Variants in ARSB observed in about 807,000 individuals in gnomAD.
ARSB encodes N-acetylgalactosamine-4-sulfatase.
In ARSB, 41 loss-of-function variants were observed where a neutral mutation model predicts 50.9. The observed-to-expected ratio is 0.81, with a 90% CI of 0.63 to 1.04. ARSB has a LOEUF of 1.04. Among genes scored for constraint, ARSB ranks in the 50% least tolerant of loss-of-function variants. The probability of loss-of-function intolerance (pLI) is 0.00; values close to 1 mark genes in which losing one functional copy is unlikely to be tolerated. For synonymous variants in ARSB, 269 were observed against 284.8 expected, an observed-to-expected ratio of 0.94 and a Z score of 0.56; for missense variants, 672 against 693.3, an observed-to-expected ratio of 0.97 and a Z score of 0.35.
chr5:78,869,310 G>T (rs1746987847), intron 5 of ARSB, among the ~76,000 whole-genome samples: 1 of 134,456 alleles, frequency 7.4e-6, no homozygotes, highest in Admixed American at 7.8e-5. Context: ...GCACCAAGCG[G>T]ACCTAATAGA....
At chr5:78,853,768 T>C (rs577956135) in intron 5 of ARSB, among the ~76,000 whole-genome samples, 14 of 152,334 alleles carry the variant, frequency 9.2e-5, no homozygotes, top group Admixed American at 3.9e-4. Flanking sequence ...CAATGGTGGG[T>C]GCCCCTCCCC....
At chr5:78,886,869 G>A (rs1217914351) in intron 4 of ARSB, among the ~76,000 whole-genome samples, 1 of 152,154 alleles carries the variant, frequency 6.6e-6, no homozygotes, top group African/African-American at 2.4e-5. Context: ...TAAGAAATCA[G>A]AGATCTATCA....
chr5:78,848,103 A>G (rs1364996721), intron 5 of ARSB, among the ~76,000 whole-genome samples: 1 of 151,084 alleles, frequency 6.6e-6, no homozygotes, highest in Non-Finnish European at 1.5e-5. Flanking sequence ...GTTTTAGGGT[A>G]CATGTGCACA....
chr5:78,877,697 A>C (rs1747552538), intron 5 of ARSB, among the ~76,000 whole-genome samples: 1 of 152,134 alleles, frequency 6.6e-6, no homozygotes, highest in Non-Finnish European at 1.5e-5. Flanking sequence ...CCTAGCTAGA[A>C]GCTTTACAAG....
intron 6 of ARSB, among the ~76,000 whole-genome samples, chr5:78,798,004 A>T (rs1743241609): frequency 6.6e-6 from 1 of 152,162 alleles, no homozygotes; most frequent in Non-Finnish European, 1.5e-5. Context: ...GAAAATGGTT[A>T]ATGTCAAAGA....
At chr5:78,900,413 A>C (rs921696336) in intron 4 of ARSB, among the ~76,000 whole-genome samples, 1 of 152,184 alleles carries the variant, frequency 6.6e-6, no homozygotes, top group African/African-American at 2.4e-5. Flanking sequence ...CAAGAAGGTG[A>C]GGAAGCTGGT....
intron 4 of ARSB, among the ~76,000 whole-genome samples, chr5:78,890,788 A>G (rs1440629268): frequency 6.6e-6 from 1 of 152,194 alleles, no homozygotes; most frequent in African/African-American, 2.4e-5. Context: ...ACGTAGAACT[A>G]ACTTCTCCCT....
chr5:78,985,060 G>A lies in ARSB; in HGVS notation c.189C>T (p.His63=), dbSNP rs1193937972. 1.3e-6 allele frequency: 2 copies of A among 1,541,110 alleles called. No homozygotes were observed. The highest frequency in any genetic ancestry group is 1.9e-5 in the Admixed American group (1 of 51,614). ...DDLGWNDVGF[H]GSRIRTPHLD... is the part of the protein sequence containing the mutation. ...GGTGCGGCGTGCGGATGCGGGAGCC[G>A]TGGAAGCCGACGTCGTTCCAGCCTA... The change falls in exon 1 of 8, where the codon CAC becomes CAT. Residue 63 remains histidine (H), a synonymous_variant. Coordinates refer to ENST00000264914, the MANE Select transcript of ARSB (RefSeq NM_000046.5).
chr5:78,841,181 T>TAATAATAATAATAATAATA (rs1745201007), intron 5 of ARSB, among the ~76,000 whole-genome samples: 1 of 151,168 alleles, frequency 6.6e-6, no homozygotes, highest in Non-Finnish European at 1.5e-5. Flanking sequence ...ATAATAATAA[T>TAATAATAATAATAATAATA]AATTTGAGCA....
chr5:78,894,408 T>C (rs1270104255), intron 4 of ARSB, among the ~76,000 whole-genome samples: 1 of 152,206 alleles, frequency 6.6e-6, no homozygotes, highest in Non-Finnish European at 1.5e-5. Flanking sequence ...AAACAACATT[T>C]TACTGAATCT....
chr5:78,864,739 T>C (rs1746624349), intron 5 of ARSB, among the ~76,000 whole-genome samples: 1 of 152,230 alleles, frequency 6.6e-6, no homozygotes, highest in South Asian at 2.1e-4. Context: ...AGCAAGCTAG[T>C]TATTTCCTAA....
Position 78,778,834 on chromosome 5 carries a change from C to T in ARSB, c.*1563G>A, listed in dbSNP as rs1367946495. 1 of 152,046 alleles carries T rather than the reference C, an allele frequency of 6.6e-6. No individual in the cohort carries two copies. The highest frequency in any genetic ancestry group is 1.5e-5 in the Non-Finnish European group (1 of 68,004). 9.4% of individuals were successfully genotyped at this position (152,046 alleles called of 1,614,324 possible). Reference sequence around the variant, plus strand: ...GCCCAGGAGTTTAAGACCAGCTGGGCAACATAGGGAACCTTGTCTTTTCAA... The same window carrying T: ...GCCCAGGAGTTTAAGACCAGCTGGGTAACATAGGGAACCTTGTCTTTTCAA... On this transcript the variant is annotated 3_prime_UTR_variant, in exon 8 of 8. Coordinates refer to ENST00000264914, the MANE Select transcript of ARSB (RefSeq NM_000046.5).
chr5:78,787,624 T>G (rs998915982), intron 6 of ARSB, among the ~76,000 whole-genome samples: 1 of 152,188 alleles, frequency 6.6e-6, no homozygotes, highest in African/African-American at 2.4e-5. Flanking sequence ...AGCCAAGATA[T>G]TTGGTGACAA....
chr5:78,921,906 G>A (rs1749827842), intron 4 of ARSB, among the ~76,000 whole-genome samples: 1 of 152,126 alleles, frequency 6.6e-6, no homozygotes, highest in African/African-American at 2.4e-5. Flanking sequence ...GTGTTCTTGG[G>A]GGAAGGAAGG....
chr5:78,785,883 T>G (rs555129099), intron 6 of ARSB, among the ~76,000 whole-genome samples: 2 of 152,324 alleles, frequency 1.3e-5, no homozygotes, highest in East Asian at 3.9e-4. Flanking sequence ...TTGATTATGG[T>G]CAGAGGGAGA....
chr5:78,913,157 C>T (rs1342100727), intron 4 of ARSB, among the ~76,000 whole-genome samples: 8 of 148,344 alleles, frequency 5.4e-5, no homozygotes, highest in South Asian at 2.1e-4. Flanking sequence ...GACAGAGTCT[C>T]GCTGTCGCCC....
At chr5:78,929,606 C>T (rs1248954526) in intron 4 of ARSB, among the ~76,000 whole-genome samples, 1 of 151,994 alleles carries the variant, frequency 6.6e-6, no homozygotes, top group Non-Finnish European at 1.5e-5. Context: ...GCCTGGCCCA[C>T]ATAGCAAAAC....
chr5:78,899,942 CTTGTT>C (rs1209263778), intron 4 of ARSB, among the ~76,000 whole-genome samples: 1 of 151,998 alleles, frequency 6.6e-6, no homozygotes, highest in Admixed American at 6.6e-5. Flanking sequence ...CTCTGTCCAG[CTTGTT>C]TTGTCTTTCA....
At chr5:78,787,237 C>A (rs1749116428) in intron 6 of ARSB, among the ~76,000 whole-genome samples, 1 of 152,122 alleles carries the variant, frequency 6.6e-6, no homozygotes. Flanking sequence ...GTGAGCCACA[C>A]ACATAGCTGA....
Sources: gnomAD v4.1 joint callset for allele counts (sites outside exome capture counted in the v4.1 genomes callset) on GRCh38, gnomAD v4.1.1 for gene constraint, MANE v1.5 for transcripts, NCBI Gene and HGNC (gene_info 2026-07-23, HGNC 2026-07-21) for gene names.